Variants in LRMDA observed in about 807,000 individuals in gnomAD.
The protein encoded by LRMDA is leucine-rich melanocyte differentiation-associated protein.
In LRMDA, 18 loss-of-function variants were observed where a neutral mutation model predicts 29.8. That is an observed-to-expected ratio of 0.60 (90% CI 0.42 to 0.90). The LOEUF (loss-of-function observed/expected upper bound fraction) is 0.90. Among genes scored for constraint, LRMDA ranks in the 40% least tolerant of loss-of-function variants. LRMDA has a pLI of 0.00. For synonymous variants in LRMDA, 125 were observed against 109.4 expected (o/e 1.14, Z -0.89); for missense variants, 273 against 273.9 (o/e 1.00, Z 0.02).
chr10:75,593,945 C>G (rs563318327), intron 2 of LRMDA, among the ~76,000 whole-genome samples: 97 of 152,350 alleles, frequency 6.4e-4, no homozygotes, highest in African/African-American at 2.0e-3. Flanking sequence ...GATCCTCAAC[C>G]TTGCCTGGTG....
intron 5 of LRMDA, among the ~76,000 whole-genome samples, chr10:76,245,317 G>T (rs1480704126): frequency 6.6e-6 from 1 of 152,106 alleles, no homozygotes; most frequent in Non-Finnish European, 1.5e-5. Context: ...TCTCTAAATG[G>T]CATTGAAAAT....
At chr10:76,352,800 G>C (rs1841193369) in intron 6 of LRMDA, among the ~76,000 whole-genome samples, 1 of 152,024 alleles carries the variant, frequency 6.6e-6, no homozygotes, top group Non-Finnish European at 1.5e-5. Flanking sequence ...GAAAGAAGTG[G>C]TTGTGGATGG....
chr10:75,979,240 G>A (rs1343743424), intron 2 of LRMDA, among the ~76,000 whole-genome samples: 1 of 152,154 alleles, frequency 6.6e-6, no homozygotes, highest in African/African-American at 2.4e-5. Flanking sequence ...TACAATAGAT[G>A]ACATTTGAAT....
rs189133440 is a variant in LRMDA at position 76,149,090 on chromosome 10, A to G, written c.516+90307A>G. 4.6e-5 allele frequency among the ~76,000 whole-genome samples: 7 copies of G among 152,310 alleles called. No homozygotes were observed. The East Asian group carries it at 9.6e-4, about 21-fold the overall frequency. ...GTCCAATTTATTATTTTTGAGGACA[A>G]TTAAGTGGGTGTAAAGTGGTATCCC... On this transcript the variant is annotated intron_variant, in intron 5 of 6. Coordinates refer to ENST00000611255, the MANE Select transcript of LRMDA (RefSeq NM_001305581.2).
At chr10:76,087,984 A>G (rs1446249547) in intron 5 of LRMDA, among the ~76,000 whole-genome samples, 1 of 152,044 alleles carries the variant, frequency 6.6e-6, no homozygotes. Context: ...AATTATCTGG[A>G]CAAGGTGTAC....
Position 75,437,195 on chromosome 10 carries a change from A to G in LRMDA, c.31-1199A>G, listed in dbSNP as rs61859937. ...TTCAGTGCAGCTTGTATTAGGTTGC[A>G]CCATGTAAAAGAGCTATTTTGTGGT... On this transcript the variant is annotated intron_variant, in intron 1 of 6. Coordinates refer to ENST00000611255, the MANE Select transcript of LRMDA (RefSeq NM_001305581.2). 9.2e-3 allele frequency among the ~76,000 whole-genome samples: 1,394 copies of G among 152,292 alleles called. 10 individuals are homozygous for G. The highest frequency in any genetic ancestry group is 0.017 in the Admixed American group (265 of 15,304).
intron 5 of LRMDA, among the ~76,000 whole-genome samples, chr10:76,280,814 T>TA (rs113388371): frequency 0.065 from 9,777 of 150,712 alleles, 864 homozygotes; most frequent in African/African-American, 0.2. Flanking sequence ...GAATGTGCCT[T>TA]AAAAAAAAAG....
chr10:76,172,063 A>C (rs892128227), intron 5 of LRMDA, among the ~76,000 whole-genome samples: 5 of 151,796 alleles, frequency 3.3e-5, no homozygotes, highest in Non-Finnish European at 5.9e-5. Flanking sequence ...AGGACCCCAG[A>C]CTCTTTCTAG....
At chr10:75,997,684 C>T (rs1407469932) in intron 2 of LRMDA, among the ~76,000 whole-genome samples, 1 of 152,106 alleles carries the variant, frequency 6.6e-6, no homozygotes, top group Admixed American at 6.5e-5. Context: ...GCCAGGTGGC[C>T]CCATGGAGGC....
At chr10:75,918,867 T>C (rs1845978926) in intron 2 of LRMDA, among the ~76,000 whole-genome samples, 4 of 152,150 alleles carry the variant, frequency 2.6e-5, no homozygotes, top group African/African-American at 9.7e-5. Context: ...GCACCAGTTA[T>C]ATTTCAACCC....
chr10:75,634,931 A>G (rs926572628), intron 2 of LRMDA, among the ~76,000 whole-genome samples: 10 of 152,248 alleles, frequency 6.6e-5, no homozygotes, highest in South Asian at 2.1e-4. Context: ...AGGTGAAAGA[A>G]GATGAAAAAA....
chr10:76,004,569 C>A (rs1293734737), intron 2 of LRMDA, among the ~76,000 whole-genome samples: 1 of 152,096 alleles, frequency 6.6e-6, no homozygotes, highest in African/African-American at 2.4e-5. Flanking sequence ...AGACTGGCCA[C>A]CCCCAGGTCT....
chr10:76,332,826 A>T lies in LRMDA; in HGVS notation c.601+8341A>T, dbSNP rs191146837. Reference sequence around the variant, plus strand: ...TTAGTACCTATTGTGTACTGAGTGTATTGTTAGGATTTGTGGAGAATTCAG... The same window carrying T: ...TTAGTACCTATTGTGTACTGAGTGTTTTGTTAGGATTTGTGGAGAATTCAG... On this transcript the variant is annotated intron_variant, in intron 6 of 6. Transcript: ENST00000611255. 4.0e-3 allele frequency among the ~76,000 whole-genome samples: 613 copies of T among 152,316 alleles called. 4 individuals are homozygous for T. Among genetic ancestry groups the T allele is most frequent in the African/African-American group, 0.013 (535 of 41,566 alleles).
chr10:75,761,765 C>T (rs1589191363), intron 2 of LRMDA, among the ~76,000 whole-genome samples: 1 of 149,662 alleles, frequency 6.7e-6, no homozygotes, highest in Non-Finnish European at 1.5e-5. Context: ...AAGAAAGATA[C>T]AAATTCCCTG....
At chr10:76,100,850 C>T (rs1258551022) in intron 5 of LRMDA, among the ~76,000 whole-genome samples, 1 of 152,172 alleles carries the variant, frequency 6.6e-6, no homozygotes, top group Non-Finnish European at 1.5e-5. Context: ...GTCCTGCCCC[C>T]ACTCTTTCTC....
At chr10:75,885,183 C>T (rs1017376867) in intron 2 of LRMDA, among the ~76,000 whole-genome samples, 1 of 152,194 alleles carries the variant, frequency 6.6e-6, no homozygotes, top group Non-Finnish European at 1.5e-5. Context: ...TCAGGCATTG[C>T]TGTGCTTCCT....
At chr10:75,478,014 G>A (rs990930356) in intron 2 of LRMDA, among the ~76,000 whole-genome samples, 6 of 152,192 alleles carry the variant, frequency 3.9e-5, no homozygotes, top group Non-Finnish European at 5.9e-5. Context: ...CACTGCTTCC[G>A]TGGCCCCCGA....
chr10:76,507,436 C>T lies in LRMDA; in HGVS notation c.602-49773C>T, dbSNP rs180850266. On this transcript the variant is annotated intron_variant, in intron 6 of 6. Transcript: ENST00000611255. ...TTTATTGTTTTTGTTTTTTGCTATG[C>T]AAAACTTTTTAGTGTGATGTAATCC... Among the ~76,000 whole-genome samples, 11 of 151,952 alleles carry T rather than the reference C, an allele frequency of 7.2e-5. No individual in the cohort carries two copies. In the East Asian group the frequency reaches 2.1e-3, roughly 29 times the overall value.
intron 6 of LRMDA, among the ~76,000 whole-genome samples, chr10:76,348,431 C>T (rs923785145): frequency 4.6e-5 from 7 of 152,216 alleles, no homozygotes; most frequent in African/African-American, 9.6e-5. Context: ...TGCTTAAGCA[C>T]GTATTTCCAA....
Sources: gnomAD v4.1 joint callset for allele counts (sites outside exome capture counted in the v4.1 genomes callset) on GRCh38, gnomAD v4.1.1 for gene constraint, MANE v1.5 for transcripts, NCBI Gene and HGNC (gene_info 2026-07-23, HGNC 2026-07-21) for gene names.